RAD21L1: variants seen among roughly 807,000 people sequenced by gnomAD.
The protein encoded by RAD21L1 is double-strand-break repair protein rad21-like protein 1.
In RAD21L1, 47 loss-of-function variants were observed where a neutral mutation model predicts 69.0. That is an observed-to-expected ratio of 0.68 (90% CI 0.54 to 0.87). The LOEUF is 0.87. Ranked by LOEUF, RAD21L1 falls within the 40% of genes least tolerant of loss-of-function variation. The pLI is 0.00. For missense variants in RAD21L1, 583 were observed against 647.6 expected, an observed-to-expected ratio of 0.90 and a Z score of 1.08; for synonymous variants, 177 against 205.8, an observed-to-expected ratio of 0.86 and a Z score of 1.20.
intron 13 of RAD21L1, among the ~76,000 whole-genome samples, chr20:1,252,346 G>A (rs1427072770): frequency 6.6e-6 from 1 of 152,102 alleles, no homozygotes. Context: ...GTAATTGGGT[G>A]GCACCTCTCA....
chr20:1,247,179 G>C (rs1202890564), intron 12 of RAD21L1, among the ~76,000 whole-genome samples: 1 of 152,078 alleles, frequency 6.6e-6, no homozygotes, highest in Non-Finnish European at 1.5e-5. Context: ...TTTCATACAT[G>C]GTCAAGCAAA....
intron 13 of RAD21L1, among the ~76,000 whole-genome samples, chr20:1,250,950 G>A (rs1377788376): frequency 6.6e-6 from 1 of 151,962 alleles, no homozygotes; most frequent in Non-Finnish European, 1.5e-5. Context: ...CATAGTTTTT[G>A]TCTTGGGATA....
At position 1,230,504 on chromosome 20, in the gene RAD21L1, T is replaced by A. The variant is rs2087367385; in HGVS notation, c.274+495T>A. On this transcript the variant is annotated intron_variant, in intron 3 of 13. Transcript: ENST00000683101. Reference sequence around the variant, plus strand: ...AAATATAATACCTTCAAAATTTATATACCATCTGTTTCACTTTGAAGACAT... The same window carrying A: ...AAATATAATACCTTCAAAATTTATAAACCATCTGTTTCACTTTGAAGACAT... 6 of 718,398 alleles carry A rather than the reference T, an allele frequency of 8.4e-6. No individual in the cohort carries two copies. The South Asian group carries it at 3.7e-4, about 45-fold the overall frequency. The allele number at this position is 718,398 out of a possible 1,614,324, so 44.5% of individuals were successfully genotyped here.
intron 6 of RAD21L1, among the ~76,000 whole-genome samples, 187 bp downstream of exon 6, chr20:1,238,401 T>C (rs1408550460): frequency 1.3e-5 from 2 of 152,162 alleles, no homozygotes; most frequent in African/African-American, 2.4e-5. Context: ...CCTAAGTAAA[T>C]AGCCGTCTGT....
chr20:1,252,599 T>C (rs2087856630), intron 13 of RAD21L1, among the ~76,000 whole-genome samples: 1 of 150,022 alleles, frequency 6.7e-6, no homozygotes, highest in Admixed American at 6.6e-5. Flanking sequence ...GTTCAAAGCC[T>C]CAATGCTTGT....
At position 1,244,160 on chromosome 20, in the gene RAD21L1, T is replaced by C; in HGVS notation, c.1298T>C (p.Ile433Thr). 1.9e-6 allele frequency: 3 copies of C among 1,542,162 alleles called. No individual in the cohort carries two copies. The highest frequency in any genetic ancestry group is 2.6e-6 in the Non-Finnish European group (3 of 1,140,698). ...HSSHEDTNKNINSEDIVEMVS... is the reference protein window; with the variant it reads ...HSSHEDTNKNTNSEDIVEMVS... Reference sequence around the variant, plus strand: ...TCTCATGAGGATACCAATAAAAATATTAACTCTGAGGTAAGTTATCCAGAG... The same window carrying C: ...TCTCATGAGGATACCAATAAAAATACTAACTCTGAGGTAAGTTATCCAGAG... The change falls in exon 11 of 14, where the codon ATT becomes ACT. Residue 433 changes from isoleucine to threonine, a missense_variant. By Grantham distance (89) the Ile-to-Thr change is moderately conservative (BLOSUM62 -1). Coordinates refer to ENST00000683101, the MANE Select transcript of RAD21L1 (RefSeq NM_001384355.1).
rs77181153 is a variant in RAD21L1 at position 1,240,451 on chromosome 20, G to A, written c.856+17G>A. On this transcript the variant is annotated intron_variant, in intron 8 of 13. Transcript: ENST00000683101. ...ATATTTCAGGTCAGAGGCATTTACG[G>A]TTTTGTTTTAATTTTTAATACACTG... 2 of 1,529,828 alleles carry A rather than the reference G, an allele frequency of 1.3e-6. No homozygotes were observed. Among genetic ancestry groups the A allele is most frequent in the South Asian group, 2.5e-5 (2 of 78,790 alleles). The allele number at this position is 1,529,828 out of a possible 1,614,324, so 94.8% of individuals were successfully genotyped here.
chr20:1,246,946 C>T lies in RAD21L1; in HGVS notation c.1401+641C>T, dbSNP rs937923116. Reference sequence around the variant, plus strand: ...AGTTTTTTAGTAAATAATATAAAAACACCTAGTAAGCCTGATGTTAATTTG... The same window carrying T: ...AGTTTTTTAGTAAATAATATAAAAATACCTAGTAAGCCTGATGTTAATTTG... On this transcript the variant is annotated intron_variant, in intron 12 of 13. Transcript: ENST00000683101. This position sits in a 1 kb window ranked among gnomAD's most constrained non-coding sequence, Gnocchi z 4.6. 2.6e-5 allele frequency among the ~76,000 whole-genome samples: 4 copies of T among 152,112 alleles called. No individual in the cohort carries two copies. The highest frequency in any genetic ancestry group is 2.6e-4 in the Admixed American group (4 of 15,260).
Position 1,248,229 on chromosome 20 carries a change from CA to C in RAD21L1, c.1402-395del, listed in dbSNP as rs368141231. On this transcript the variant is annotated intron_variant, in intron 12 of 13. Transcript: ENST00000683101. ...AGATAAGTTCAGATAAAGGCCTTTA[CA>C]AGACAGAAATAGCTGTATGTTTACT... Among the ~76,000 whole-genome samples, 117 of 152,004 alleles carry C rather than the reference CA, an allele frequency of 7.7e-4. No individual in the cohort carries two copies. The East Asian group carries it at 0.016, about 20-fold the overall frequency.
At chr20:1,226,231 C>CCCGGCG (rs1459783789) in intron 1 of RAD21L1, 91 bp downstream of exon 1, 1 of 151,528 alleles carries the variant, frequency 6.6e-6, no homozygotes, top group Non-Finnish European at 1.5e-5. Context: ...CCCACACGCA[C>CCCGGCG]CCGGCGCCGG....
At chr20:1,241,814 A>G (rs995179892) in intron 8 of RAD21L1, among the ~76,000 whole-genome samples, 2 of 152,144 alleles carry the variant, frequency 1.3e-5, no homozygotes, top group African/African-American at 4.8e-5. Flanking sequence ...TTGATCTTGG[A>G]TCTTTATCAA....
chr20:1,235,712 C>T (rs972498642), intron 5 of RAD21L1, among the ~76,000 whole-genome samples: 1 of 151,996 alleles, frequency 6.6e-6, no homozygotes, highest in Non-Finnish European at 1.5e-5. Flanking sequence ...TTCCCTACTC[C>T]CAAGACACTC....
chr20:1,232,744 T>C (rs1568516316), intron 4 of RAD21L1, among the ~76,000 whole-genome samples: 1 of 152,186 alleles, frequency 6.6e-6, no homozygotes, highest in Non-Finnish European at 1.5e-5. Flanking sequence ...AATGCATGTG[T>C]TCCCCTAAAA....
chr20:1,229,471 CG>C (rs2087342805), intron 2 of RAD21L1, among the ~76,000 whole-genome samples: 1 of 152,064 alleles, frequency 6.6e-6, no homozygotes, highest in Non-Finnish European at 1.5e-5. Context: ...GCCAAGATTG[CG>C]CCACTGCACT....
Position 1,244,097 on chromosome 20 carries a change from A to C in RAD21L1, c.1235A>C (p.Gln412Pro). The change falls in exon 11 of 14, where the codon CAA (glutamine) becomes CCA (proline). Residue 412 changes from glutamine (Q) to proline (P), a missense_variant. Coordinates refer to ENST00000683101, the MANE Select transcript of RAD21L1 (RefSeq NM_001384355.1). ...PNYQQELSKPQTWKDVIGGSQ... is the reference protein window; with the variant it reads ...PNYQQELSKPPTWKDVIGGSQ... ...TACCAGCAAGAGTTAAGTAAACCCC[A>C]AACTTGGAAGGATGTGATTGGTGGA... 1 of 1,550,074 alleles carries C rather than the reference A, an allele frequency of 6.5e-7. No individual in the cohort carries two copies. The highest frequency in any genetic ancestry group is 8.7e-7 in the Non-Finnish European group (1 of 1,145,606).
At chr20:1,240,283 G>C (rs927466800) in intron 7 of RAD21L1, 38 bp from the exon 8 acceptor site, 3 of 1,508,222 alleles carry the variant, frequency 2.0e-6, no homozygotes, top group Non-Finnish European at 2.7e-6. Flanking sequence ...ATCCTAACTG[G>C]TTTTTTTTAC....
At chr20:1,249,913 T>A (rs1468612414) in intron 13 of RAD21L1, among the ~76,000 whole-genome samples, 1 of 152,134 alleles carries the variant, frequency 6.6e-6, no homozygotes, top group Non-Finnish European at 1.5e-5. Context: ...CGTGCAGGTT[T>A]GTTACATATG....
intron 13 of RAD21L1, among the ~76,000 whole-genome samples, chr20:1,249,107 G>A (rs1220195317): frequency 1.3e-5 from 2 of 151,982 alleles, no homozygotes; most frequent in African/African-American, 4.8e-5. Flanking sequence ...CATGCAATAA[G>A]GCTGAAAAGA....
rs1248434990 is a variant in RAD21L1 at position 1,229,964 on chromosome 20, G to A, written c.229G>A (p.Asp77Asn). Residue 77 changes from aspartate (D) to asparagine (N), a missense_variant, in exon 3 of 14, where the codon GAT (aspartate) becomes AAT (asparagine). Physicochemically the swap from Asp to Asn is conservative, Grantham distance 23 (BLOSUM62 1). Coordinates refer to ENST00000683101, the MANE Select transcript of RAD21L1 (RefSeq NM_001384355.1). ...YNRKAKYLLA[D>N]CSEAFLKMKM... Reference sequence around the variant, plus strand: ...CAGGAAGGCAAAATATCTTTTGGCAGATTGCAGTGAAGCATTTCTTAAAAT... The same window carrying A: ...CAGGAAGGCAAAATATCTTTTGGCAAATTGCAGTGAAGCATTTCTTAAAAT... The A allele has an allele frequency of 6.4e-7, 1 of 1,550,610 alleles. No homozygotes were observed. The highest frequency in any genetic ancestry group is 1.4e-5 in the African/African-American group (1 of 73,024).
Sources: allele counts gnomAD v4.1 joint callset (sites outside exome capture counted in the v4.1 genomes callset), GRCh38; gene constraint gnomAD v4.1.1; non-coding constraint Gnocchi (gnomAD v3.1); transcripts MANE v1.5; gene names NCBI Gene and HGNC (gene_info 2026-07-23, HGNC 2026-07-21).